Variants in TMEM183A observed in about 807,000 individuals in gnomAD.
TMEM183A encodes transmembrane protein 183A, also known as chromosome 1 open reading frame 37.
In TMEM183A, 21 loss-of-function variants were observed where a neutral mutation model predicts 46.7. That is an observed-to-expected ratio of 0.45 (90% CI 0.32 to 0.65). The LOEUF (loss-of-function observed/expected upper bound fraction) is 0.65, where lower values mean the gene tolerates loss of function less well. TMEM183A is among the 30% of genes least tolerant of loss of function. TMEM183A has a pLI of 0.04. For missense variants in TMEM183A, 331 were observed against 481.9 expected (o/e 0.69, Z 2.93); for synonymous variants, 165 against 180.2 (o/e 0.92, Z 0.68).
At chr1:203,010,919 C>T (rs755987128) in intron 3 of TMEM183A, among the ~76,000 whole-genome samples, 8 of 152,238 alleles carry the variant, frequency 5.3e-5, no homozygotes, top group Non-Finnish European at 8.8e-5. Context: ...CTTACCTATT[C>T]TGACATTTCA....
chr1:203,018,681 GA>G, intron 6 of TMEM183A, 120 bp downstream of exon 6: 1 of 1,160,382 alleles, frequency 8.6e-7, no homozygotes, highest in East Asian at 2.4e-5. Context: ...AACTTAAAAA[GA>G]ACGAACTTTA....
At chr1:203,012,148 T>TCTCACA (rs1553249434) in intron 3 of TMEM183A, among the ~76,000 whole-genome samples, 1,904 of 79,458 alleles carry the variant, frequency 0.024, 234 homozygotes, top group African/African-American at 0.05. Context: ...CCCCACTCCA[T>TCTCACA]CACACACACA....
chr1:203,022,745 A>T, intron 7 of TMEM183A, 110 bp from the exon 8 acceptor site: 2 of 1,416,244 alleles, frequency 1.4e-6, no homozygotes, highest in Non-Finnish European at 1.9e-6. Flanking sequence ...TTTAGAGATT[A>T]ATCTTGTGGC....
intron 3 of TMEM183A, among the ~76,000 whole-genome samples, chr1:203,010,951 T>C (rs1168972925): frequency 6.6e-6 from 1 of 152,222 alleles, no homozygotes; most frequent in African/African-American, 2.4e-5. Flanking sequence ...TCATACAATA[T>C]ATAGTCTTTT....
Position 203,014,967 on chromosome 1 carries a change from A to G in TMEM183A, c.446A>G (p.Asp149Gly). The change falls in exon 4 of 8, where the codon GAC (aspartate) becomes GGC (glycine). Residue 149 changes from aspartate to glycine, a missense_variant. Asp to Gly is a moderately conservative substitution (Grantham distance 94). This residue lies in a region of TMEM183A where 233 missense variants were observed against 385.8 expected (regional missense o/e 0.60). Transcript: ENST00000367242. ...CTGGCCTCCTATATCCGTCCTGAGG[A>G]CATTGTGAATTTTTCCCTGATTTGT... ...LLLASYIRPEDIVNFSLICKN... is the reference protein window; with the variant it reads ...LLLASYIRPEGIVNFSLICKN... The G allele has an allele frequency of 3.1e-6, 5 of 1,613,118 alleles. No homozygotes were observed. The highest frequency in any genetic ancestry group is 2.5e-6 in the Non-Finnish European group (3 of 1,179,684).
chr1:203,007,680 C>G (rs1656089994), intron 1 of TMEM183A, 94 bp from the exon 2 acceptor site: 1 of 1,556,732 alleles, frequency 6.4e-7, no homozygotes, highest in South Asian at 1.2e-5. Context: ...TGGAGGGCGG[C>G]TCGGTCCGGG....
intron 5 of TMEM183A, chr1:203,017,928 C>G (rs951142618): frequency 2.1e-4 from 208 of 986,158 alleles, no homozygotes; most frequent in Non-Finnish European, 2.4e-4. Context: ...AGGTACTTCA[C>G]TTCTTGTGCT....
In TMEM183A at chr1:203,018,508, G is replaced by A; in HGVS notation, c.736G>A (p.Val246Ile). The A allele has an allele frequency of 6.2e-7, 1 of 1,612,766 alleles. No individual in the cohort carries two copies. Among genetic ancestry groups the A allele is most frequent in the South Asian group, 1.1e-5 (1 of 90,964 alleles). Residue 246 changes from valine (V) to isoleucine (I), a missense_variant, in exon 6 of 8, where the codon GTT becomes ATT. This residue lies in a region of TMEM183A where 233 missense variants were observed against 385.8 expected (regional missense o/e 0.60). Coordinates refer to ENST00000367242, the MANE Select transcript of TMEM183A (RefSeq NM_138391.6). Reference sequence around the variant, plus strand: ...CTTACTTTTCTGGTGCAGAAAGATTGTTGGGAACAGACAGGAACCAATGTG... The same window carrying A: ...CTTACTTTTCTGGTGCAGAAAGATTATTGGGAACAGACAGGAACCAATGTG... ...KCLLFWCRKIVGNRQEPMWEF... is the reference protein window; with the variant it reads ...KCLLFWCRKIIGNRQEPMWEF...
At chr1:203,008,526 C>T in intron 2 of TMEM183A, 117 bp from the exon 3 acceptor site, 1 of 746,334 alleles carries the variant, frequency 1.3e-6, no homozygotes, top group East Asian at 3.6e-5. Context: ...TCACCTTTCT[C>T]TCTCAACGAT....
intron 7 of TMEM183A, among the ~76,000 whole-genome samples, chr1:203,021,829 G>T (rs1414782952): frequency 6.6e-6 from 1 of 152,138 alleles, no homozygotes; most frequent in Non-Finnish European, 1.5e-5. Context: ...TGTATCTTAG[G>T]CTTACATTCA....
rs1042484778 is a variant in TMEM183A, at chr1:203,020,803, T to TA, written c.803dup (p.Ser269GlufsTer79). The TA allele has an allele frequency of 6.2e-7, 1 of 1,613,782 alleles. No individual in the cohort carries two copies. The highest frequency in any genetic ancestry group is 8.5e-7 in the Non-Finnish European group (1 of 1,179,870). On this transcript the variant is annotated frameshift_variant, in exon 7 of 8. Coordinates refer to ENST00000367242, the MANE Select transcript of TMEM183A (RefSeq NM_138391.6). LOFTEE classifies it high-confidence loss of function. ...CTCAGTTCTCTTCAGTCCCCTAGGT[T>TA]AAAGAGCAAGTGTACAGGAGGATTG...
intron 3 of TMEM183A, among the ~76,000 whole-genome samples, chr1:203,014,045 G>T (rs1202418449): frequency 6.6e-6 from 1 of 152,138 alleles, no homozygotes; most frequent in African/African-American, 2.4e-5. Flanking sequence ...GAGCCACTAC[G>T]CCCGGCCTGC....
rs139664198 is a variant in TMEM183A, at chr1:203,014,286, C to T, written c.368-603C>T. 7.7e-4 allele frequency among the ~76,000 whole-genome samples: 117 copies of T among 152,260 alleles called. No homozygotes were observed. In the Middle Eastern group the frequency reaches 0.02, roughly 27 times the overall value. The stretch of plus-strand genomic sequence containing the variant: ...GAATTATTAGAGTTGAATGATACAA[C>T]GTGTGCAAAGGCACTTTTGAAACTT... On this transcript the variant is annotated intron_variant, in intron 3 of 7. Transcript: ENST00000367242.
At position 203,012,174 on chromosome 1, in the gene TMEM183A, A is replaced by G. The variant is rs1219886108; in HGVS notation, c.368-2715A>G. 2.3e-5 allele frequency among the ~76,000 whole-genome samples: 3 copies of G among 128,964 alleles called. No homozygotes were observed. The Admixed American group carries it at 2.4e-4, about 10-fold the overall frequency. The allele number at this position is 128,964 out of a possible 152,430, so 84.6% of individuals were successfully genotyped here. A position where few individuals can be genotyped will look rare whatever the true frequency, so the allele number is the denominator to read the frequency against. On this transcript the variant is annotated intron_variant, in intron 3 of 7. Transcript: ENST00000367242. ...CACACACACACACACACACACACAC[A>G]CACACACACACGGTTATTTTGAAAC...
intron 6 of TMEM183A, 139 bp from the exon 7 acceptor site, chr1:203,020,654 G>A (rs1657572308): frequency 4.6e-6 from 5 of 1,085,712 alleles, no homozygotes; most frequent in Non-Finnish European, 5.2e-6. Context: ...TTTGATCTCT[G>A]TATAGAAACA....
chr1:203,007,627 G>C (rs1656079578), intron 1 of TMEM183A, 53 bp downstream of exon 1: 1 of 1,530,378 alleles, frequency 6.5e-7, no homozygotes. Context: ...GCGGCTGGGA[G>C]GGGGCTGGAC....
chr1:203,018,587 A>G (rs763151163), intron 6 of TMEM183A, 26 bp downstream of exon 6: 1 of 1,605,280 alleles, frequency 6.2e-7, no homozygotes, highest in Admixed American at 1.7e-5. Context: ...TTTGTTTTTC[A>G]GATAATACCT....
chr1:203,024,483 T>TC lies in TMEM183A; in HGVS notation c.*1443_*1444insC, dbSNP rs1658005070. 1 of 145,500 alleles carries TC rather than the reference T, an allele frequency of 6.9e-6. No homozygotes were observed. Among genetic ancestry groups the TC allele is most frequent in the Non-Finnish European group, 1.5e-5 (1 of 64,612 alleles). 9.0% of individuals were successfully genotyped at this position (145,500 alleles called of 1,614,324 possible). A position where few individuals can be genotyped will look rare whatever the true frequency, so the allele number is the denominator to read the frequency against. On this transcript the variant is annotated 3_prime_UTR_variant, in exon 8 of 8. Transcript: ENST00000367242. ...TGAGGCAAACTGCTAAATTCACATTTTTGTTTTTTTTTTTTTACCATCTTC... is the reference window on the plus strand; with the variant it reads ...TGAGGCAAACTGCTAAATTCACATTTCTTGTTTTTTTTTTTTTACCATCTTC...
In TMEM183A at chr1:203,007,999, G is replaced by A. The variant is rs1218990578; in HGVS notation, c.199+136G>A. The A allele has an allele frequency of 5.7e-6, 6 of 1,055,314 alleles. No individual in the cohort carries two copies. In the Middle Eastern group the frequency reaches 6.3e-4, roughly 110 times the overall value. The allele number at this position is 1,055,314 out of a possible 1,614,324, so 65.4% of individuals were successfully genotyped here. A position where few individuals can be genotyped will look rare whatever the true frequency, so the allele number is the denominator to read the frequency against. ...TCGTTAGTGTTAACTTACATATTGG[G>A]GTGGAGGAGGATTAGTCAAGAGTAG... On this transcript the variant is annotated intron_variant, in intron 2 of 7. Coordinates refer to ENST00000367242, the MANE Select transcript of TMEM183A (RefSeq NM_138391.6).
Sources: gnomAD v4.1 joint callset for allele counts (sites outside exome capture counted in the v4.1 genomes callset) on GRCh38, gnomAD v4.1.1 for gene constraint, gnomAD v4.1.1 regional missense constraint, MANE v1.5 for transcripts, NCBI Gene and HGNC (gene_info 2026-07-23, HGNC 2026-07-21) for gene names.